The following CALD1 variants were observed in gnomAD, a reference collection of about 807,000 sequenced individuals.
CALD1 encodes caldesmon.
A neutral mutation model predicts 99.9 loss-of-function variants in CALD1; 33 were observed. The observed-to-expected ratio is 0.33, with a 90% CI of 0.25 to 0.44. The LOEUF is 0.44. Among genes scored for constraint, CALD1 ranks in the 20% least tolerant of loss-of-function variants. The probability of loss-of-function intolerance (pLI) is 1.00; values close to 1 mark genes in which losing one functional copy is unlikely to be tolerated. For missense variants in CALD1, 861 were observed against 962.1 expected (o/e 0.89, Z 1.39); for synonymous variants, 310 against 325.0 (o/e 0.95, Z 0.50).
chr7:134,770,804 A>C (rs1027585027), intron 1 of CALD1, among the ~76,000 whole-genome samples: 3 of 152,158 alleles, frequency 2.0e-5, no homozygotes, highest in Non-Finnish European at 4.4e-5. Context: ...GTTCAAGGCA[A>C]AAGCAAACAT....
intron 1 of CALD1, among the ~76,000 whole-genome samples, chr7:134,837,421 C>A (rs1310679452): frequency 6.6e-6 from 1 of 152,002 alleles, no homozygotes; most frequent in Non-Finnish European, 1.5e-5. Flanking sequence ...CGGCTCACTG[C>A]AACCTCCATC....
chr7:134,784,534 A>G (rs1797233223), intron 1 of CALD1, among the ~76,000 whole-genome samples: 1 of 152,260 alleles, frequency 6.6e-6, no homozygotes. Flanking sequence ...AAGAAGAAAC[A>G]GCAAAAATCA....
At chr7:134,714,912 T>A in the CALD1 span, among the ~76,000 whole-genome samples, 1 of 152,134 alleles carries the variant, frequency 6.6e-6, no homozygotes, top group Non-Finnish European at 1.5e-5. Flanking sequence ...CACTTGCTGG[T>A]TCTGGGCAGT....
intron 1 of CALD1, chr7:134,745,479 T>A (rs1282551590): frequency 6.6e-6 from 1 of 152,204 alleles, no homozygotes; most frequent in Non-Finnish European, 1.5e-5. Context: ...GAATTCTGGA[T>A]TAAACTCCCT....
At chr7:134,892,882 C>T (rs371745451) in intron 3 of CALD1, among the ~76,000 whole-genome samples, 2 of 152,138 alleles carry the variant, frequency 1.3e-5, no homozygotes, top group East Asian at 3.9e-4. Context: ...CCTCTTCTAC[C>T]CCACCTCCCC....
At chr7:134,950,263 C>A in intron 8 of CALD1, 111 bp from the exon 9 acceptor site, 1 of 1,013,648 alleles carries the variant, frequency 9.9e-7, no homozygotes, top group Non-Finnish European at 1.5e-6. Context: ...GAGTGTCCAG[C>A]CTGCGGCCTG....
At chr7:134,855,181 T>C (rs1003120031) in intron 2 of CALD1, among the ~76,000 whole-genome samples, 1 of 152,254 alleles carries the variant, frequency 6.6e-6, no homozygotes, top group African/African-American at 2.4e-5. Flanking sequence ...AGCAGACTAA[T>C]GCACAGTGCA....
chr7:134,958,092 G>A lies in CALD1; in HGVS notation c.1959G>A (p.Leu653=). 3.7e-6 allele frequency: 6 copies of A among 1,609,632 alleles called. No homozygotes were observed. Among genetic ancestry groups the A allele is most frequent in the Non-Finnish European group, 5.1e-6 (6 of 1,177,464 alleles). ...SLKIEERAEF[L]NKSVQKSSGV... is the part of the protein sequence containing the mutation. ...AGATAGAAGAGCGAGCAGAATTTTTGAATAAGTCTGTGCAGAAAAGGTAAA... is the reference window on the plus strand; with the variant it reads ...AGATAGAAGAGCGAGCAGAATTTTTAAATAAGTCTGTGCAGAAAAGGTAAA... Residue 653 remains leucine (L), a synonymous_variant, in exon 10 of 15, where the codon TTG becomes TTA. Coordinates refer to ENST00000361675, the MANE Select transcript of CALD1 (RefSeq NM_033138.4).
chr7:134,801,553 AT>A (rs1797941950), intron 1 of CALD1, among the ~76,000 whole-genome samples: 1 of 152,130 alleles, frequency 6.6e-6, no homozygotes, highest in African/African-American at 2.4e-5. Flanking sequence ...TCACTCTTGG[AT>A]ATTCGTTTAG....
At chr7:134,879,989 T>G (rs956146665) in intron 3 of CALD1, among the ~76,000 whole-genome samples, 4 of 152,228 alleles carry the variant, frequency 2.6e-5, no homozygotes, top group African/African-American at 9.6e-5. Context: ...GAGTGTATTT[T>G]AAACCCCACA....
upstream of CALD1, chr7:134,779,598 C>T (rs926232949): frequency 2.5e-6 from 1 of 398,362 alleles, no homozygotes; most frequent in African/African-American, 2.1e-5. Flanking sequence ...TGGGAGGGGC[C>T]AAGGAAGGGC....
chr7:134,740,257 G>T (rs1218754856), upstream of CALD1, among the ~76,000 whole-genome samples: 1 of 151,856 alleles, frequency 6.6e-6, no homozygotes, highest in Non-Finnish European at 1.5e-5. Flanking sequence ...GGAAGTAGTA[G>T]GTATGCTGAT....
At chr7:134,789,351 T>C (rs932611199) in intron 1 of CALD1, among the ~76,000 whole-genome samples, 8 of 152,232 alleles carry the variant, frequency 5.3e-5, no homozygotes, top group Admixed American at 3.3e-4. Flanking sequence ...TCTTTACCAC[T>C]GTGCTATGCT....
chr7:134,772,385 G>A (rs1279895820), intron 1 of CALD1, among the ~76,000 whole-genome samples: 3 of 152,150 alleles, frequency 2.0e-5, no homozygotes, highest in South Asian at 2.1e-4. Context: ...GCAAGCCACC[G>A]TGCCCAGCCT....
At chr7:134,956,985 A>T (rs1350822130) in intron 9 of CALD1, among the ~76,000 whole-genome samples, 1 of 151,662 alleles carries the variant, frequency 6.6e-6, no homozygotes, top group Non-Finnish European at 1.5e-5. Flanking sequence ...GTAGCAAAAA[A>T]GTTCCTAGCT....
chr7:134,765,570 G>A (rs1396089520), intron 1 of CALD1, among the ~76,000 whole-genome samples: 1 of 152,148 alleles, frequency 6.6e-6, no homozygotes, highest in East Asian at 1.9e-4. Flanking sequence ...TTTATGAGAA[G>A]GGCAGGTACA....
rs746863267 is a variant in CALD1 at position 134,783,462 on chromosome 7, AGAG to A, written c.-130+3717_-130+3719del. Among the ~76,000 whole-genome samples the A allele has an allele frequency of 7.2e-5, 11 of 152,164 alleles. No individual in the cohort carries two copies. The highest frequency in any genetic ancestry group is 1.7e-4 in the African/African-American group (7 of 41,428). On this transcript the variant is annotated intron_variant, in intron 1 of 14. Transcript: ENST00000361675. This position sits in a 1 kb window ranked among gnomAD's most constrained non-coding sequence, Gnocchi z 4.3. Reference sequence around the variant, plus strand: ...GCTAGGGAAAGCCACTTGCACAGACAGAGGAGATGTCAGAGCATGTTTTGTGGT... The same window carrying A: ...GCTAGGGAAAGCCACTTGCACAGACAGAGATGTCAGAGCATGTTTTGTGGT...
chr7:134,947,886 A>T, intron 8 of CALD1, 117 bp downstream of exon 8: 1 of 1,213,414 alleles, frequency 8.2e-7, no homozygotes, highest in South Asian at 1.5e-5. Flanking sequence ...TAAACTTACC[A>T]TGTGCTAGGT....
intron 3 of CALD1, among the ~76,000 whole-genome samples, chr7:134,879,709 G>A (rs1158204766): frequency 6.6e-6 from 1 of 152,108 alleles, no homozygotes; most frequent in African/African-American, 2.4e-5. Context: ...TTACCAGGTA[G>A]GTAGACTTAA....
Sources: allele counts gnomAD v4.1 joint callset (sites outside exome capture counted in the v4.1 genomes callset), GRCh38; gene constraint gnomAD v4.1.1; non-coding constraint Gnocchi (gnomAD v3.1); transcripts MANE v1.5; gene names NCBI Gene and HGNC (gene_info 2026-07-23, HGNC 2026-07-21).